The following RBMS1 variants were observed in gnomAD, a reference collection of about 807,000 sequenced individuals.
RBMS1 encodes RNA binding motif single stranded interacting protein 1, also known as RNA-binding motif, single-stranded-interacting protein 1.
A neutral mutation model predicts 62.3 loss-of-function variants in RBMS1; 17 were observed. That is an observed-to-expected ratio of 0.27 (90% CI 0.19 to 0.41). RBMS1 has a LOEUF of 0.41. Among genes scored for constraint, RBMS1 ranks in the 10% least tolerant of loss-of-function variants. The pLI is 1.00. For synonymous variants in RBMS1, 172 were observed against 170.0 expected, an observed-to-expected ratio of 1.01 and a Z score of -0.09; for missense variants, 334 against 504.5, an observed-to-expected ratio of 0.66 and a Z score of 3.24.
chr2:160,470,766 G>C (rs953858666), intron 1 of RBMS1, among the ~76,000 whole-genome samples: 1 of 152,088 alleles, frequency 6.6e-6, no homozygotes, highest in South Asian at 2.1e-4. Flanking sequence ...CAGAGTGGGG[G>C]GGGTATGACC....
rs1685323163 is a variant in RBMS1 at position 160,480,560 on chromosome 2, CATAA to C, written c.75+12725_75+12728del. On this transcript the variant is annotated intron_variant, in intron 1 of 13. Coordinates refer to ENST00000348849, the MANE Select transcript of RBMS1 (RefSeq NM_016836.4). ...TATTAATTACTTAAAGGGGTAAATTCATAAATAAATAAGAGATATACCATCCTTA... is the reference window on the plus strand; with the variant it reads ...TATTAATTACTTAAAGGGGTAAATTCATAAATAAGAGATATACCATCCTTA... Among the ~76,000 whole-genome samples, 3 of 152,158 alleles carry C rather than the reference CATAA, an allele frequency of 2.0e-5. 1 individual carries two copies. Among genetic ancestry groups the C allele is most frequent in the Non-Finnish European group, 2.9e-5 (2 of 67,996 alleles).
At chr2:160,335,689 C>G (rs1054186638) in intron 2 of RBMS1, among the ~76,000 whole-genome samples, 1 of 152,176 alleles carries the variant, frequency 6.6e-6, no homozygotes, top group Non-Finnish European at 1.5e-5. Context: ...TTAAAAACTT[C>G]CCAGTCGAGA....
intron 1 of RBMS1, among the ~76,000 whole-genome samples, chr2:160,455,583 T>C (rs1574081206): frequency 6.6e-6 from 1 of 151,710 alleles, no homozygotes; most frequent in African/African-American, 2.4e-5. Flanking sequence ...TGAACCTGCC[T>C]GGAGAGGACA....
intron 2 of RBMS1, among the ~76,000 whole-genome samples, chr2:160,352,176 C>G (rs186478057): frequency 1.2e-4 from 18 of 152,196 alleles, no homozygotes; most frequent in Admixed American, 9.8e-4. Flanking sequence ...AAGAGAAGTT[C>G]TGTTTTTCCC....
intron 7 of RBMS1, among the ~76,000 whole-genome samples, chr2:160,286,720 C>T (rs1371390255): frequency 6.6e-6 from 1 of 152,188 alleles, no homozygotes; most frequent in Non-Finnish European, 1.5e-5. Flanking sequence ...GTGTAGCTAG[C>T]TGGTAAACAC....
chr2:160,322,867 G>C (rs1211214443), intron 2 of RBMS1, among the ~76,000 whole-genome samples: 1 of 152,142 alleles, frequency 6.6e-6, no homozygotes, highest in African/African-American at 2.4e-5. Flanking sequence ...AGTAGTTTTT[G>C]ATGTCATGAC....
intron 1 of RBMS1, chr2:160,407,420 C>G (rs1695796954): frequency 9.1e-6 from 9 of 985,956 alleles, no homozygotes; most frequent in Non-Finnish European, 1.1e-5. Flanking sequence ...CTTTGTAACG[C>G]GGGGCTCGCC....
chr2:160,437,907 C>T (rs905254650), intron 1 of RBMS1, among the ~76,000 whole-genome samples: 2 of 152,124 alleles, frequency 1.3e-5, no homozygotes, highest in African/African-American at 2.4e-5. Context: ...GTGAAATTCT[C>T]TAAAACAGTT....
intron 2 of RBMS1, among the ~76,000 whole-genome samples, chr2:160,327,499 T>G (rs1038508426): frequency 2.8e-4 from 43 of 152,134 alleles, no homozygotes; most frequent in African/African-American, 9.9e-4. Context: ...TATAAAGCAT[T>G]TGATTTATTA....
chr2:160,362,640 A>G (rs1267486104), intron 2 of RBMS1, among the ~76,000 whole-genome samples: 1 of 152,200 alleles, frequency 6.6e-6, no homozygotes, highest in African/African-American at 2.4e-5. Flanking sequence ...ACCACAACAG[A>G]CATAATAATG....
At chr2:160,423,146 C>A (rs1471157446) in intron 1 of RBMS1, among the ~76,000 whole-genome samples, 5 of 152,072 alleles carry the variant, frequency 3.3e-5, no homozygotes, top group Non-Finnish European at 7.4e-5. Context: ...TATAACATAC[C>A]CTCACTTGAC....
chr2:160,417,091 T>C (rs376853659), intron 1 of RBMS1, among the ~76,000 whole-genome samples: 8 of 152,196 alleles, frequency 5.3e-5, no homozygotes, highest in African/African-American at 1.9e-4. Context: ...CACATAGTTA[T>C]GTTTTGTTGC....
intron 1 of RBMS1, among the ~76,000 whole-genome samples, chr2:160,460,214 A>C (rs1176395372): frequency 1.3e-5 from 2 of 152,078 alleles, no homozygotes; most frequent in Non-Finnish European, 2.9e-5. Flanking sequence ...GGGAATAGGG[A>C]GTTGAGGGCA....
At chr2:160,277,094 C>A (rs1440356784) in intron 12 of RBMS1, among the ~76,000 whole-genome samples, 1 of 152,154 alleles carries the variant, frequency 6.6e-6, no homozygotes, top group East Asian at 1.9e-4. Context: ...CTATGTTGCC[C>A]AGGCTGGTCT....
At chr2:160,447,033 G>T (rs1436737561) in intron 1 of RBMS1, among the ~76,000 whole-genome samples, 1 of 152,240 alleles carries the variant, frequency 6.6e-6, no homozygotes, top group Non-Finnish European at 1.5e-5. Flanking sequence ...ATGCAAAGTA[G>T]AATGTGTTAA....
chr2:160,413,967 G>C (rs1696121258), intron 1 of RBMS1, among the ~76,000 whole-genome samples: 1 of 152,114 alleles, frequency 6.6e-6, no homozygotes, highest in Non-Finnish European at 1.5e-5. Context: ...ATTAGCTATG[G>C]ATCAAGTCCA....
intron 1 of RBMS1, among the ~76,000 whole-genome samples, chr2:160,387,717 G>A (rs1231330863): frequency 6.6e-6 from 1 of 151,640 alleles, no homozygotes; most frequent in African/African-American, 2.4e-5. Context: ...TCCTTTTTGT[G>A]ACAGCCTCCC....
chr2:160,410,221 CAAAAAAAAAA>C (rs575199475), intron 1 of RBMS1, among the ~76,000 whole-genome samples: 1 of 68,018 alleles, frequency 1.5e-5, no homozygotes, highest in African/African-American at 5.9e-5. Flanking sequence ...GACCCCGTCT[CAAAAAAAAAA>C]AAAAAAAAAA....
At chr2:160,406,686 A>G (rs1695726710) in intron 1 of RBMS1, among the ~76,000 whole-genome samples, 1 of 152,232 alleles carries the variant, frequency 6.6e-6, no homozygotes. Flanking sequence ...ATGTATCACA[A>G]CATGGCTTCA....
Sources: allele counts gnomAD v4.1 joint callset (sites outside exome capture counted in the v4.1 genomes callset), GRCh38; gene constraint gnomAD v4.1.1; transcripts MANE v1.5; gene names NCBI Gene and HGNC (gene_info 2026-07-23, HGNC 2026-07-21).